GRM5: variants seen among roughly 807,000 people sequenced by gnomAD.
GRM5 encodes metabotropic glutamate receptor 5.
GRM5 carries 19 observed loss-of-function variants against 83.1 expected under a neutral mutation model. The observed-to-expected ratio is 0.23, with a 90% CI of 0.16 to 0.34. The LOEUF (loss-of-function observed/expected upper bound fraction) is 0.34. Ranked by LOEUF, GRM5 falls within the 10% of genes least tolerant of loss-of-function variation. GRM5 has a pLI of 1.00. For missense variants in GRM5, 1,160 were observed against 1,588.3 expected (o/e 0.73, Z 4.58); for synonymous variants, 675 against 633.6 (o/e 1.07, Z -0.98).
At chr11:88,875,171 G>A (rs1366424449) in intron 2 of GRM5, among the ~76,000 whole-genome samples, 4 of 151,618 alleles carry the variant, frequency 2.6e-5, no homozygotes, top group African/African-American at 4.8e-5. Context: ...TAAAATTGGA[G>A]TCAATACACT....
intron 3 of GRM5, among the ~76,000 whole-genome samples, chr11:88,779,795 C>T (rs960062767): frequency 2.0e-5 from 3 of 152,158 alleles, no homozygotes; most frequent in Non-Finnish European, 2.9e-5. Context: ...ATTTTCACCT[C>T]GTACATCAAC....
At chr11:88,532,153 T>A (rs1480735090) in intron 8 of GRM5, among the ~76,000 whole-genome samples, 1 of 152,156 alleles carries the variant, frequency 6.6e-6, no homozygotes, top group Non-Finnish European at 1.5e-5. Flanking sequence ...CAATATGGAA[T>A]GGACACTAAT....
At chr11:88,530,171 C>T (rs368066323) in intron 8 of GRM5, among the ~76,000 whole-genome samples, 2 of 151,986 alleles carry the variant, frequency 1.3e-5, no homozygotes, top group African/African-American at 4.8e-5. Context: ...ACTTTTATAA[C>T]ACTGTTAGTG....
intron 2 of GRM5, among the ~76,000 whole-genome samples, chr11:88,999,052 T>A (rs1375473554): frequency 1.3e-5 from 2 of 152,174 alleles, no homozygotes; most frequent in Admixed American, 6.5e-5. Flanking sequence ...AAGCTGAAAC[T>A]GGATCCCTTC....
intron 3 of GRM5, among the ~76,000 whole-genome samples, chr11:88,720,339 A>C (rs559124727): frequency 6.6e-6 from 1 of 152,020 alleles, no homozygotes; most frequent in South Asian, 2.1e-4. Context: ...CTGAGTGCAG[A>C]TATGTTTTCC....
At position 88,614,055 on chromosome 11, in the gene GRM5, G is replaced by A. The variant is rs1041536242; in HGVS notation, c.1148-9091C>T. Among the ~76,000 whole-genome samples, 6 of 152,224 alleles carry A rather than the reference G, an allele frequency of 3.9e-5. 1 individual carries two copies. The highest frequency in any genetic ancestry group is 3.4e-3 in the Middle Eastern group (1 of 294). ...CTTATGTGCTTTACCTTGACCCTAA[G>A]CCATGTTCTGCAACTCTGCCTCCCA... On this transcript the variant is annotated intron_variant, in intron 4 of 9. Transcript: ENST00000305447.
At position 88,836,819 on chromosome 11, in the gene GRM5, AAAAC is replaced by A. The variant is rs1359127537; in HGVS notation, c.911+13083_911+13086del. Among the ~76,000 whole-genome samples the A allele has an allele frequency of 2.7e-5, 4 of 149,490 alleles. No homozygotes were observed. The South Asian group carries it at 6.2e-4, about 23-fold the overall frequency. Reference sequence around the variant, plus strand: ...GTCTCAAAACAAAAAACAAAAAACAAAAACAAACAAAAACAAACAAACAAAAAAA... The same window carrying A: ...GTCTCAAAACAAAAAACAAAAAACAAAAACAAAAACAAACAAACAAAAAAA... On this transcript the variant is annotated intron_variant, in intron 3 of 9. Transcript: ENST00000305447.
chr11:88,644,621 C>T (rs1340963655), intron 4 of GRM5, among the ~76,000 whole-genome samples: 1 of 152,140 alleles, frequency 6.6e-6, no homozygotes, highest in Non-Finnish European at 1.5e-5. Flanking sequence ...AAACTACTTT[C>T]TGTGTGGCAA....
intron 2 of GRM5, among the ~76,000 whole-genome samples, chr11:89,007,461 G>A (rs932099257): frequency 3.3e-5 from 5 of 152,266 alleles, no homozygotes; most frequent in African/African-American, 1.2e-4. Flanking sequence ...ATCAACAAGA[G>A]TGATTTTCAT....
At chr11:88,557,874 G>T (rs1942662880) in intron 8 of GRM5, among the ~76,000 whole-genome samples, 1 of 151,694 alleles carries the variant, frequency 6.6e-6, no homozygotes, top group South Asian at 2.1e-4. Flanking sequence ...CCTACATTAG[G>T]TATTTCTCCT....
At chr11:88,562,284 C>A (rs1942774967) in intron 8 of GRM5, among the ~76,000 whole-genome samples, 1 of 152,010 alleles carries the variant, frequency 6.6e-6, no homozygotes, top group African/African-American at 2.4e-5. Flanking sequence ...TTTAATTTTT[C>A]AAAGAATATA....
chr11:89,046,373 AT>A (rs562563345), intron 2 of GRM5, among the ~76,000 whole-genome samples: 491 of 148,036 alleles, frequency 3.3e-3, no homozygotes, highest in Middle Eastern at 0.011. Flanking sequence ...TAATATACAC[AT>A]TTTTTTTTTT....
chr11:88,666,341 A>G (rs1294498224), intron 3 of GRM5, among the ~76,000 whole-genome samples: 3 of 152,224 alleles, frequency 2.0e-5, no homozygotes, highest in Non-Finnish European at 4.4e-5. Context: ...TTTGTGCTGT[A>G]TCACAACAAG....
At chr11:88,590,799 G>A in intron 6 of GRM5, 72 bp from the exon 7 acceptor site, 2 of 1,228,722 alleles carry the variant, frequency 1.6e-6, no homozygotes, top group Non-Finnish European at 2.4e-6. Flanking sequence ...ATTCCAATGT[G>A]CTGTTTTGCA....
chr11:88,610,268 G>C (rs1938276516), intron 4 of GRM5, among the ~76,000 whole-genome samples: 1 of 152,114 alleles, frequency 6.6e-6, no homozygotes, highest in South Asian at 2.1e-4. Flanking sequence ...GAAATTGGTA[G>C]TTTGGTAGAA....
intron 3 of GRM5, among the ~76,000 whole-genome samples, chr11:88,703,230 T>A (rs981885434): frequency 6.6e-6 from 1 of 152,002 alleles, no homozygotes; most frequent in Non-Finnish European, 1.5e-5. Context: ...TACACCTCCA[T>A]GGAATAATCA....
intron 3 of GRM5, among the ~76,000 whole-genome samples, chr11:88,775,153 C>T (rs950849073): frequency 2.0e-5 from 3 of 152,144 alleles, no homozygotes; most frequent in Admixed American, 6.5e-5. Context: ...TCAACTTCTT[C>T]CTGGTTTAGT....
At chr11:88,630,588 CACAT>C (rs1565161835) in intron 4 of GRM5, among the ~76,000 whole-genome samples, 6 of 129,342 alleles carry the variant, frequency 4.6e-5, no homozygotes, top group Admixed American at 2.4e-4. Flanking sequence ...CACACACACA[CACAT>C]ATTATGATGG....
Position 88,741,781 on chromosome 11 carries a change from G to A in GRM5, c.912-88378C>T, listed in dbSNP as rs1239051873. Among the ~76,000 whole-genome samples the A allele has an allele frequency of 3.9e-5, 6 of 152,160 alleles. No individual in the cohort carries two copies. The East Asian group carries it at 1.2e-3, about 29-fold the overall frequency. ...AATAAGTACTGAGCGCACATGGAAA[G>A]CAGTAGTGGCTCAAAGTTCTGGTGG... On this transcript the variant is annotated intron_variant, in intron 3 of 9. Transcript: ENST00000305447.
Sources: gnomAD v4.1 joint callset for allele counts (sites outside exome capture counted in the v4.1 genomes callset) on GRCh38, gnomAD v4.1.1 for gene constraint, MANE v1.5 for transcripts, NCBI Gene and HGNC (gene_info 2026-07-23, HGNC 2026-07-21) for gene names.